The following GPR26 variants were observed in gnomAD, a reference collection of about 807,000 sequenced individuals.
GPR26 encodes G protein-coupled receptor 26.
Under a neutral mutation model 23.1 loss-of-function variants are expected in GPR26, and 15 were observed. That is an observed-to-expected ratio of 0.65 (90% confidence interval 0.43 to 1.00). The LOEUF is 1.00. Ranked by LOEUF, GPR26 falls within the 50% of genes least tolerant of loss-of-function variation. GPR26 has a pLI of 0.00. For missense variants in GPR26, 359 were observed against 470.5 expected, an observed-to-expected ratio of 0.76 and a Z score of 2.19; for synonymous variants, 228 against 222.1, an observed-to-expected ratio of 1.03 and a Z score of -0.24.
Position 123,690,815 on chromosome 10 carries a change from C to A in GPR26, c.*2655C>A, listed in dbSNP as rs1845484174. The A allele has an allele frequency of 6.6e-6, 1 of 152,190 alleles. No homozygotes were observed. The highest frequency in any genetic ancestry group is 1.5e-5 in the Non-Finnish European group (1 of 68,040). The allele number at this position is 152,190 out of a possible 1,614,324, so 9.4% of individuals were successfully genotyped here. On this transcript the variant is annotated 3_prime_UTR_variant, in exon 3 of 3. Transcript: ENST00000284674. ...TTACTCCCAATTGAATTATCTACCT[C>A]ATTTTGTTAATTTAATTTATCAAAG...
At position 123,667,087 on chromosome 10, in the gene GPR26, G is replaced by A. The variant is rs558252494; in HGVS notation, c.668+12G>A. ...GACCTGCACCCCAGGTGAGCCGAGC[G>A]CAGCTAAGGCTCTGGGAACAGCCGC... On this transcript the variant is annotated intron_variant, in intron 1 of 2. Coordinates refer to ENST00000284674, the MANE Select transcript of GPR26 (RefSeq NM_153442.4). The A allele has an allele frequency of 5.8e-6, 9 of 1,557,076 alleles. No individual in the cohort carries two copies. In the Admixed American group the frequency reaches 7.5e-5, roughly 13 times the overall value.
chr10:123,668,944 C>T (rs1219640830), intron 1 of GPR26, among the ~76,000 whole-genome samples: 1 of 152,244 alleles, frequency 6.6e-6, no homozygotes, highest in Non-Finnish European at 1.5e-5. Flanking sequence ...GGGCCAGCTC[C>T]ACTCCTGCAA....
At chr10:123,684,425 A>C (rs1237179733) in intron 2 of GPR26, among the ~76,000 whole-genome samples, 2 of 152,106 alleles carry the variant, frequency 1.3e-5, no homozygotes, top group East Asian at 3.9e-4. Flanking sequence ...CCTGCTCCCC[A>C]TGGGGTTCTT....
At position 123,674,507 on chromosome 10, in the gene GPR26, C is replaced by A. The variant is rs531303445; in HGVS notation, c.669-311C>A. On this transcript the variant is annotated intron_variant, in intron 1 of 2. Transcript: ENST00000284674. The surrounding 1 kb of genome is among the most constrained non-coding windows in gnomAD (Gnocchi z 4.1). Reference sequence around the variant, plus strand: ...CTTTGTGTGCTTCACACATGGAATGCATTCCATGCATCTCTGTGCTTTATG... The same window carrying A: ...CTTTGTGTGCTTCACACATGGAATGAATTCCATGCATCTCTGTGCTTTATG... Among the ~76,000 whole-genome samples the A allele has an allele frequency of 6.6e-5, 10 of 152,360 alleles. No homozygotes were observed. Among genetic ancestry groups the A allele is most frequent in the Admixed American group, 6.5e-4 (10 of 15,304 alleles).
rs541573147 is a variant in GPR26, at chr10:123,687,186, G to C, written c.783-743G>C. On this transcript the variant is annotated intron_variant, in intron 2 of 2. Coordinates refer to ENST00000284674, the MANE Select transcript of GPR26 (RefSeq NM_153442.4). Reference sequence around the variant, plus strand: ...GGTCCCTTTAGGATCACCTGACCGCGGCTATTGTCAAAGACCACCAGGATC... The same window carrying C: ...GGTCCCTTTAGGATCACCTGACCGCCGCTATTGTCAAAGACCACCAGGATC... Among the ~76,000 whole-genome samples, 14 of 152,124 alleles carry C rather than the reference G, an allele frequency of 9.2e-5. No homozygotes were observed. The East Asian group carries it at 2.7e-3, about 29-fold the overall frequency.
At position 123,666,561 on chromosome 10, in the gene GPR26, A is replaced by C; in HGVS notation, c.154A>C (p.Asn52His). ...ALFTLNLTCG[N>H]LLCTVVNMPL... ...CTTCACCCTGAACCTCACGTGCGGGAACCTGCTGTGCACCGTGGTCAACAT... is the reference window on the plus strand; with the variant it reads ...CTTCACCCTGAACCTCACGTGCGGGCACCTGCTGTGCACCGTGGTCAACAT... The change falls in exon 1 of 3, where the codon AAC becomes CAC. Residue 52 changes from asparagine (N) to histidine (H), a missense_variant. Transcript: ENST00000284674. The C allele has an allele frequency of 6.3e-7, 1 of 1,598,086 alleles. No individual in the cohort carries two copies. Among genetic ancestry groups the C allele is most frequent in the Non-Finnish European group, 8.5e-7 (1 of 1,174,694 alleles).
chr10:123,675,752 TGGAAGCTTTCATTGAATCTG>T (rs1170117786), intron 2 of GPR26, among the ~76,000 whole-genome samples: 1 of 144,574 alleles, frequency 6.9e-6, no homozygotes. Flanking sequence ...AAGGTGGATA[TGGAAGCTTTCATTGAATCTG>T]GGAAGCAGCA....
In GPR26 at chr10:123,693,774, T is replaced by C. The variant is rs1845514223; in HGVS notation, c.*5614T>C. On this transcript the variant is annotated 3_prime_UTR_variant, in exon 3 of 3. Coordinates refer to ENST00000284674, the MANE Select transcript of GPR26 (RefSeq NM_153442.4). ...GTGAAAGAGCAGGAGCCAGACACATTTGGGGGTTGACTGTCTAGAAAGGAG... is the reference window on the plus strand; with the variant it reads ...GTGAAAGAGCAGGAGCCAGACACATCTGGGGGTTGACTGTCTAGAAAGGAG... The C allele has an allele frequency of 6.6e-6, 1 of 152,056 alleles. No homozygotes were observed. Among genetic ancestry groups the C allele is most frequent in the South Asian group, 2.1e-4 (1 of 4,810 alleles). 9.4% of individuals were successfully genotyped at this position (152,056 alleles called of 1,614,324 possible).
At chr10:123,687,719 C>T (rs1289753742) in intron 2 of GPR26, among the ~76,000 whole-genome samples, 1 of 152,214 alleles carries the variant, frequency 6.6e-6, no homozygotes, top group Non-Finnish European at 1.5e-5. Context: ...GTGCTTAACA[C>T]AGTGTGTAGA....
At chr10:123,673,663 G>T (rs1845275182) in intron 1 of GPR26, among the ~76,000 whole-genome samples, 1 of 152,130 alleles carries the variant, frequency 6.6e-6, no homozygotes, top group Non-Finnish European at 1.5e-5. Flanking sequence ...GGAACCAAGT[G>T]ACTCCTTCAA....
chr10:123,685,904 C>T lies in GPR26; in HGVS notation c.783-2025C>T, dbSNP rs371660857. 4.0e-4 allele frequency among the ~76,000 whole-genome samples: 61 copies of T among 152,260 alleles called. No homozygotes were observed. The South Asian group carries it at 5.6e-3, about 14-fold the overall frequency. On this transcript the variant is annotated intron_variant, in intron 2 of 2. Transcript: ENST00000284674. ...ATTCTCATTCTGCTGGATAATTGTA[C>T]GGTTAGAGATTGTACACATAAGTGC...
chr10:123,666,939 G>T lies in GPR26; in HGVS notation c.532G>T (p.Ala178Ser), dbSNP rs758623741. 6.2e-7 allele frequency: 1 copy of T among 1,613,702 alleles called. No homozygotes were observed. Among genetic ancestry groups the T allele is most frequent in the Non-Finnish European group, 8.5e-7 (1 of 1,179,982 alleles). The change falls in exon 1 of 3, where the codon GCT (alanine) becomes TCT (serine). Residue 178 changes from alanine (A) to serine (S), a missense_variant. By Grantham distance (99) the Ala-to-Ser change is moderately conservative. Transcript: ENST00000284674. ...RFAVFTGAFH[A>S]LSFLLSFVVL... ...CGCCGTCTTCACTGGCGCCTTCCAC[G>T]CTCTCAGCTTCCTGCTCTCCTTCGT... is the stretch of plus-strand genomic sequence containing the variant.
intron 2 of GPR26, among the ~76,000 whole-genome samples, chr10:123,675,375 C>T (rs1402760794): frequency 6.6e-6 from 1 of 152,184 alleles, no homozygotes; most frequent in African/African-American, 2.4e-5. Flanking sequence ...AGCAAAGTCA[C>T]CTGCCACCTG....
intron 1 of GPR26, among the ~76,000 whole-genome samples, chr10:123,673,918 TTCC>T (rs1845277847): frequency 1.3e-5 from 1 of 79,852 alleles, no homozygotes; most frequent in East Asian, 5.3e-4. Flanking sequence ...CTTCTTCCTC[TTCC>T]TCTTCTTCTT....
chr10:123,685,357 C>T (rs1845420205), intron 2 of GPR26, among the ~76,000 whole-genome samples: 1 of 152,244 alleles, frequency 6.6e-6, no homozygotes, highest in Admixed American at 6.5e-5. Context: ...TGCCTCTTCT[C>T]ATCAACGAAA....
intron 1 of GPR26, among the ~76,000 whole-genome samples, chr10:123,673,356 G>A (rs1401210502): frequency 6.6e-6 from 1 of 152,190 alleles, no homozygotes; most frequent in Non-Finnish European, 1.5e-5. Flanking sequence ...ACATGAACCT[G>A]GCTCATGAAT....
In GPR26 at chr10:123,695,215, C is replaced by A. The variant is rs1845530469; in HGVS notation, c.*7055C>A. 6.6e-6 allele frequency among the ~76,000 whole-genome samples: 1 copy of A among 152,186 alleles called. No homozygotes were observed. Among genetic ancestry groups the A allele is most frequent in the Non-Finnish European group, 1.5e-5 (1 of 68,038 alleles). On this transcript the variant is annotated 3_prime_UTR_variant, in exon 3 of 3. Transcript: ENST00000284674. ...GCAGTGTTCCAGTTCATCACGTATA[C>A]CCATATTTAAGGACTTTTAAAGTAA...
rs1845475324 is a variant in GPR26 at position 123,690,097 on chromosome 10, G to A, written c.*1937G>A. 1 of 152,158 alleles carries A rather than the reference G, an allele frequency of 6.6e-6. No homozygotes were observed. The highest frequency in any genetic ancestry group is 2.4e-5 in the African/African-American group (1 of 41,430). 9.4% of individuals were successfully genotyped at this position (152,158 alleles called of 1,614,324 possible). The stretch of plus-strand genomic sequence containing the variant: ...ACACCACTGCCAGACATGACTGTGT[G>A]TGTCCCTGAAACAAAATTGCTCTGG... On this transcript the variant is annotated 3_prime_UTR_variant, in exon 3 of 3. Coordinates refer to ENST00000284674, the MANE Select transcript of GPR26 (RefSeq NM_153442.4).
intron 1 of GPR26, among the ~76,000 whole-genome samples, chr10:123,671,425 G>A (rs1213533702): frequency 6.6e-6 from 1 of 151,468 alleles, no homozygotes; most frequent in African/African-American, 2.4e-5. Flanking sequence ...CAACACACAT[G>A]CTCGCACTCT....
Sources: gnomAD v4.1 joint callset for allele counts (sites outside exome capture counted in the v4.1 genomes callset) on GRCh38, gnomAD v4.1.1 for gene constraint, Gnocchi (gnomAD v3.1) non-coding constraint, MANE v1.5 for transcripts, NCBI Gene and HGNC (gene_info 2026-07-23, HGNC 2026-07-21) for gene names.